Variants in GRID2 observed in about 807,000 individuals in gnomAD.
The protein encoded by GRID2 is glutamate ionotropic receptor delta type subunit 2, also known as glutamate receptor ionotropic, delta-2.
In GRID2, 33 loss-of-function variants were observed where a neutral mutation model predicts 114.8. The observed-to-expected ratio is 0.29, with a 90% CI of 0.22 to 0.38. GRID2 has a LOEUF of 0.38. Ranked by LOEUF, GRID2 falls within the 10% of genes least tolerant of loss-of-function variation. The pLI is 1.00. For missense variants in GRID2, 1,184 were observed against 1,257.7 expected, an observed-to-expected ratio of 0.94 and a Z score of 0.89; for synonymous variants, 505 against 449.9, an observed-to-expected ratio of 1.12 and a Z score of -1.55.
At chr4:93,084,913 C>A in intron 2 of GRID2, 82 bp from the exon 3 acceptor site, 3 of 1,008,512 alleles carry the variant, frequency 3.0e-6, no homozygotes, top group Non-Finnish European at 4.5e-6. Flanking sequence ...AATCTGTAAG[C>A]TTTATCCATC....
At chr4:93,551,829 A>T (rs960013006) in intron 13 of GRID2, among the ~76,000 whole-genome samples, 2 of 152,212 alleles carry the variant, frequency 1.3e-5, no homozygotes, top group African/African-American at 2.4e-5. Context: ...AAGTCAAGAC[A>T]CACTGATGGC....
At chr4:93,321,561 C>A (rs1261989859) in intron 8 of GRID2, among the ~76,000 whole-genome samples, 1 of 152,036 alleles carries the variant, frequency 6.6e-6, no homozygotes, top group Non-Finnish European at 1.5e-5. Flanking sequence ...TTCATGATTT[C>A]ATGTGTCATT....
At chr4:92,712,008 C>G (rs147904683) in intron 2 of GRID2, among the ~76,000 whole-genome samples, 1 of 152,186 alleles carries the variant, frequency 6.6e-6, no homozygotes, top group Non-Finnish European at 1.5e-5. Flanking sequence ...TGCAAATACT[C>G]TTTTCTTATA....
intron 1 of GRID2, among the ~76,000 whole-genome samples, chr4:92,531,033 A>G (rs1055755813): frequency 1.3e-5 from 2 of 152,150 alleles, no homozygotes; most frequent in African/African-American, 4.8e-5. Context: ...TATTATTTAC[A>G]GGCATATACT....
intron 3 of GRID2, among the ~76,000 whole-genome samples, chr4:93,096,982 C>G (rs561619346): frequency 6.6e-6 from 1 of 151,992 alleles, no homozygotes; most frequent in Admixed American, 6.6e-5. Flanking sequence ...AAGTAATGAA[C>G]TATTGAAATA....
At chr4:92,332,217 C>T (rs930803752) in intron 1 of GRID2, among the ~76,000 whole-genome samples, 10 of 152,050 alleles carry the variant, frequency 6.6e-5, no homozygotes, top group Non-Finnish European at 1.0e-4. Flanking sequence ...GAGAGGTCCA[C>T]GATTGAGGGG....
chr4:92,351,324 T>G (rs1009290492), intron 1 of GRID2, among the ~76,000 whole-genome samples: 1 of 151,818 alleles, frequency 6.6e-6, no homozygotes, highest in Non-Finnish European at 1.5e-5. Context: ...TTCTCCAGAT[T>G]CTCAAAAAAA....
chr4:92,348,624 T>C (rs892848880), intron 1 of GRID2, among the ~76,000 whole-genome samples: 7 of 152,188 alleles, frequency 4.6e-5, no homozygotes, highest in Admixed American at 1.3e-4. Context: ...AATAGGGGTG[T>C]AGAAATACAA....
At chr4:93,637,354 T>A (rs1578455133) in intron 14 of GRID2, among the ~76,000 whole-genome samples, 2 of 152,264 alleles carry the variant, frequency 1.3e-5, no homozygotes, top group East Asian at 3.9e-4. Flanking sequence ...ATCACAGAAA[T>A]GATTTGAAAT....
At chr4:93,488,519 C>T (rs1415318533) in intron 11 of GRID2, among the ~76,000 whole-genome samples, 1 of 151,806 alleles carries the variant, frequency 6.6e-6, no homozygotes, top group African/African-American at 2.4e-5. Flanking sequence ...CCTGTTAAGT[C>T]ATTCACGTAT....
intron 14 of GRID2, among the ~76,000 whole-genome samples, chr4:93,711,678 A>C (rs1728490637): frequency 6.6e-6 from 1 of 152,140 alleles, no homozygotes. Context: ...ACAGGGTAGC[A>C]CTGAGTTCCA....
chr4:93,094,396 T>C (rs1731027719), intron 3 of GRID2, among the ~76,000 whole-genome samples: 1 of 152,020 alleles, frequency 6.6e-6, no homozygotes, highest in African/African-American at 2.4e-5. Context: ...AGATTAAAGC[T>C]AAGAGACTAA....
At chr4:93,708,668 T>G (rs1728215626) in intron 14 of GRID2, among the ~76,000 whole-genome samples, 1 of 152,022 alleles carries the variant, frequency 6.6e-6, no homozygotes, top group Non-Finnish European at 1.5e-5. Context: ...TTACATTCAA[T>G]GTTATTATTG....
intron 8 of GRID2, among the ~76,000 whole-genome samples, chr4:93,373,934 A>G (rs989748506): frequency 2.6e-5 from 4 of 151,844 alleles, no homozygotes; most frequent in African/African-American, 9.7e-5. Flanking sequence ...AAATTTCCAA[A>G]GATTGATCTA....
intron 2 of GRID2, among the ~76,000 whole-genome samples, chr4:92,738,952 G>A (rs1042802774): frequency 1.2e-4 from 18 of 152,176 alleles, no homozygotes; most frequent in Admixed American, 9.8e-4. Context: ...ACAGGCAGGC[G>A]CCGTAACACA....
chr4:92,381,954 T>A (rs1228534968), intron 1 of GRID2, among the ~76,000 whole-genome samples: 1 of 152,036 alleles, frequency 6.6e-6, no homozygotes, highest in African/African-American at 2.4e-5. Context: ...TTTATTACTA[T>A]TTTTTCAAGT....
chr4:92,384,523 A>ATAAT (rs1174453630), intron 1 of GRID2, among the ~76,000 whole-genome samples: 1 of 31,444 alleles, frequency 3.2e-5, no homozygotes, highest in African/African-American at 1.4e-4. Context: ...AATATTATAT[A>ATAAT]ATATAATATA....
chr4:93,441,100 T>G, intron 10 of GRID2, among the ~76,000 whole-genome samples: 1 of 152,216 alleles, frequency 6.6e-6, no homozygotes, highest in South Asian at 2.1e-4. Flanking sequence ...ATCTGACAAC[T>G]TAAGGATAGA....
chr4:92,772,365 T>TCCCTCTCTACTTGATTTCCTGTGC (rs1305739658), intron 2 of GRID2, among the ~76,000 whole-genome samples: 16 of 152,220 alleles, frequency 1.1e-4, no homozygotes, highest in African/African-American at 3.9e-4. Context: ...CCTTTCTGTG[T>TCCCTCTCTACTTGATTTCCTGTGC]CCCTCTCTAC....
Sources: allele counts gnomAD v4.1 joint callset (sites outside exome capture counted in the v4.1 genomes callset), GRCh38; gene constraint gnomAD v4.1.1; transcripts MANE v1.5; gene names NCBI Gene and HGNC (gene_info 2026-07-23, HGNC 2026-07-21).